The following CCDC201 variants were observed in gnomAD, a reference collection of about 807,000 sequenced individuals.
CCDC201 encodes coiled-coil domain-containing protein 201.
chr7:45,879,366 A>T, the CCDC201 span, among the ~76,000 whole-genome samples: 1 of 152,210 alleles, frequency 6.6e-6, no homozygotes, highest in Non-Finnish European at 1.5e-5. Flanking sequence ...TCCTGGCACC[A>T]ATTTTCTGCA....
At position 45,868,021 on chromosome 7, in the gene CCDC201, T is replaced by C. The variant is rs149714518; in HGVS notation, c.19-1527A>G. 6.1e-3 allele frequency among the ~76,000 whole-genome samples: 922 copies of C among 152,312 alleles called. 7 individuals are homozygous for C. Among genetic ancestry groups the C allele is most frequent in the African/African-American group, 0.021 (880 of 41,568 alleles). ...ACTGGGTAACAAATACACCAAAACA[T>C]AGTGGCTTAAAACAGACATCTGTAA... On this transcript the variant is annotated intron_variant, in intron 1 of 2. Coordinates refer to ENST00000636578, the Ensembl canonical transcript of CCDC201.
chr7:45,876,296 C>G (rs184755914), upstream of CCDC201, among the ~76,000 whole-genome samples: 90 of 152,246 alleles, frequency 5.9e-4, 1 homozygote, highest in African/African-American at 2.2e-3. Context: ...GGTGAGGAAC[C>G]CTGACCTCCT....
At chr7:45,876,088 A>G (rs1290904072), upstream of CCDC201, among the ~76,000 whole-genome samples, 2 of 152,152 alleles carry the variant, frequency 1.3e-5, no homozygotes, top group East Asian at 3.8e-4. Context: ...GGGAGTCAAG[A>G]GGACAGCAGA....
At chr7:45,869,029 C>T (rs1786712501) in intron 1 of CCDC201, among the ~76,000 whole-genome samples, 1 of 152,136 alleles carries the variant, frequency 6.6e-6, no homozygotes, top group Admixed American at 6.5e-5. Context: ...AATCATAATA[C>T]ACATTGTTAC....
At chr7:45,864,898 G>T (rs1786652001) in intron 2 of CCDC201, among the ~76,000 whole-genome samples, 1 of 152,144 alleles carries the variant, frequency 6.6e-6, no homozygotes, top group African/African-American at 2.4e-5. Context: ...CAGAGCCCAA[G>T]GTTAGGAAGG....
At chr7:45,881,547 C>T in the CCDC201 span, among the ~76,000 whole-genome samples, 5 of 152,070 alleles carry the variant, frequency 3.3e-5, no homozygotes, top group African/African-American at 9.7e-5. Flanking sequence ...GTAGAAATGC[C>T]AATTAGTGAG....
chr7:45,870,768 C>T (rs1037595977), intron 1 of CCDC201, among the ~76,000 whole-genome samples: 3 of 150,932 alleles, frequency 2.0e-5, no homozygotes, highest in East Asian at 2.0e-4. Context: ...ACGGGGCGGG[C>T]GGGTGGAGGA....
At chr7:45,885,121 C>T in the CCDC201 span, among the ~76,000 whole-genome samples, 1 of 152,148 alleles carries the variant, frequency 6.6e-6, no homozygotes, top group Non-Finnish European at 1.5e-5. Context: ...ACTTGATAAG[C>T]ATGATAGGGT....
At chr7:45,879,832 G>C in the CCDC201 span, among the ~76,000 whole-genome samples, 1 of 152,182 alleles carries the variant, frequency 6.6e-6, no homozygotes, top group African/African-American at 2.4e-5. Flanking sequence ...ATGCCTGTAA[G>C]TCCAACATTT....
At chr7:45,870,597 A>G (rs1463267856) in intron 1 of CCDC201, among the ~76,000 whole-genome samples, 1 of 152,234 alleles carries the variant, frequency 6.6e-6, no homozygotes, top group Non-Finnish European at 1.5e-5. Flanking sequence ...AACTGGAAGT[A>G]CAGTGTAATA....
the CCDC201 span, among the ~76,000 whole-genome samples, chr7:45,880,975 G>A: frequency 6.6e-6 from 1 of 152,132 alleles, no homozygotes; most frequent in Non-Finnish European, 1.5e-5. Context: ...CATGGCATGA[G>A]TTCACGGGGC....
chr7:45,862,121 G>T (rs1318888047), exon 3 of CCDC201: 2 of 152,208 alleles, frequency 1.3e-5, no homozygotes, highest in Admixed American at 1.3e-4. Flanking sequence ...GAGTGTAGGG[G>T]GTTGGCCCAT....
the CCDC201 span, among the ~76,000 whole-genome samples, chr7:45,878,729 T>A: frequency 6.6e-6 from 1 of 152,250 alleles, no homozygotes; most frequent in Non-Finnish European, 1.5e-5. Context: ...GCTGCCCCCC[T>A]AGGTCTCTGA....
At chr7:45,867,582 A>G (rs576431117) in intron 1 of CCDC201, among the ~76,000 whole-genome samples, 20 of 152,240 alleles carry the variant, frequency 1.3e-4, no homozygotes, top group Non-Finnish European at 2.1e-4. Context: ...GTGCATGTCC[A>G]TTGCCTGGAC....
intron 1 of CCDC201, 60 bp downstream of exon 1, chr7:45,872,930 C>T (rs6949434): frequency 0.43 from 64,913 of 152,734 alleles, 14,148 homozygotes; most frequent in East Asian, 0.57. Context: ...CCTACCCACC[C>T]GCCACCTCTT....
intron 1 of CCDC201, among the ~76,000 whole-genome samples, chr7:45,869,840 CAG>C (rs1288129351): frequency 7.0e-6 from 1 of 142,542 alleles, no homozygotes; most frequent in Non-Finnish European, 1.5e-5. Context: ...TTTTTTGAGA[CAG>C]AGTCTCGCTC....
chr7:45,875,006 A>C (rs1458579863), upstream of CCDC201, among the ~76,000 whole-genome samples: 1 of 152,246 alleles, frequency 6.6e-6, no homozygotes, highest in East Asian at 1.9e-4. Context: ...GTGCAAAGCC[A>C]GGAAAAGGAC....
At chr7:45,873,929 T>A (rs1346702214), upstream of CCDC201, among the ~76,000 whole-genome samples, 1 of 150,038 alleles carries the variant, frequency 6.7e-6, no homozygotes. Context: ...ACTTTTTTTT[T>A]TTTTTTTTTT....
chr7:45,880,482 C>T, the CCDC201 span, among the ~76,000 whole-genome samples: 10 of 152,106 alleles, frequency 6.6e-5, no homozygotes, highest in Admixed American at 5.9e-4. Context: ...ACACTGTATG[C>T]AGGTGATGGC....
Sources: allele counts gnomAD v4.1 joint callset (sites outside exome capture counted in the v4.1 genomes callset), GRCh38; gene constraint gnomAD v4.1.1; transcripts MANE v1.5; gene names NCBI Gene and HGNC (gene_info 2026-07-23, HGNC 2026-07-21).